The following MAP3K5 variants were observed in gnomAD, a reference collection of about 807,000 sequenced individuals.
MAP3K5 encodes the protein ASK-1.
In MAP3K5, 56 loss-of-function variants were observed where a neutral mutation model predicts 158.7. The ratio of observed to expected loss-of-function variants is 0.35; its 90% CI spans 0.28 to 0.44. The LOEUF (loss-of-function observed/expected upper bound fraction) is 0.44, where lower values mean the gene tolerates loss of function less well. MAP3K5 is among the 20% of genes least tolerant of loss of function. The pLI is 1.00. For missense variants in MAP3K5, 1,294 were observed against 1,674.8 expected, an observed-to-expected ratio of 0.77 and a Z score of 3.97; for synonymous variants, 579 against 601.7, an observed-to-expected ratio of 0.96 and a Z score of 0.55.
rs527238892 is a variant in MAP3K5 at position 136,603,271 on chromosome 6, C to T, written c.2680-1292G>A. 2.6e-5 allele frequency among the ~76,000 whole-genome samples: 4 copies of T among 151,630 alleles called. No individual in the cohort carries two copies. In the East Asian group the frequency reaches 7.8e-4, roughly 29 times the overall value. On this transcript the variant is annotated intron_variant, in intron 19 of 29. Transcript: ENST00000359015. Reference sequence around the variant, plus strand: ...CACTGCAACCTCCATCTCCCCAGTCCAAGTGATTCTCCTGCCTCAGCCTCC... The same window carrying T: ...CACTGCAACCTCCATCTCCCCAGTCTAAGTGATTCTCCTGCCTCAGCCTCC...
At chr6:136,579,318 G>A (rs925600848) in intron 25 of MAP3K5, among the ~76,000 whole-genome samples, 4 of 152,048 alleles carry the variant, frequency 2.6e-5, no homozygotes, top group Non-Finnish European at 5.9e-5. Context: ...CACGTTGGAG[G>A]TTTTGCCTTA....
intron 7 of MAP3K5, among the ~76,000 whole-genome samples, chr6:136,687,240 G>C (rs1399884721): frequency 3.3e-5 from 5 of 152,126 alleles, no homozygotes; most frequent in Non-Finnish European, 7.4e-5. Flanking sequence ...GCTGAAACTG[G>C]ACCCCTTCCT....
chr6:136,688,178 C>A (rs1392979891), intron 7 of MAP3K5, among the ~76,000 whole-genome samples: 1 of 152,096 alleles, frequency 6.6e-6, no homozygotes, highest in East Asian at 1.9e-4. Context: ...AACAGAAAAC[C>A]AAACACCGCA....
chr6:136,786,723 A>G (rs76512883), intron 1 of MAP3K5, among the ~76,000 whole-genome samples: 3,602 of 152,172 alleles, frequency 0.024, 150 homozygotes, highest in African/African-American at 0.082. Flanking sequence ...TTTAACTTGC[A>G]ACCTATTCTT....
At chr6:136,718,646 C>T (rs1380684997) in intron 2 of MAP3K5, among the ~76,000 whole-genome samples, 2 of 152,184 alleles carry the variant, frequency 1.3e-5, no homozygotes, top group African/African-American at 2.4e-5. Flanking sequence ...ATGCCAATAA[C>T]ACTCCTAGAC....
intron 21 of MAP3K5, among the ~76,000 whole-genome samples, chr6:136,594,595 C>T (rs1775539677): frequency 6.6e-6 from 1 of 152,144 alleles, no homozygotes; most frequent in South Asian, 2.1e-4. Flanking sequence ...GGATACAAGC[C>T]CTGCAGTGGA....
intron 1 of MAP3K5, among the ~76,000 whole-genome samples, chr6:136,782,055 GAAAAA>G (rs376414394): frequency 7.5e-6 from 1 of 132,766 alleles, no homozygotes. Context: ...GTCTCTACTG[GAAAAA>G]AAAAAAAAAA....
chr6:136,743,316 G>C (rs1443138556), intron 1 of MAP3K5, among the ~76,000 whole-genome samples: 1 of 152,132 alleles, frequency 6.6e-6, no homozygotes, highest in Non-Finnish European at 1.5e-5. Context: ...CGGGCATGGT[G>C]GCAGGCACCT....
Position 136,598,814 on chromosome 6 carries a change from C to T in MAP3K5, c.2878+2208G>A, listed in dbSNP as rs9389410. 8.0e-3 allele frequency among the ~76,000 whole-genome samples: 1,222 copies of T among 152,152 alleles called. 20 individuals carry two copies. The East Asian group carries it at 0.081, about 10-fold the overall frequency. Reference sequence around the variant, plus strand: ...GTACTCATCTAGAAGGAGAGTAAGACGAGCTAATAGGTCATTGTTTCAATT... The same window carrying T: ...GTACTCATCTAGAAGGAGAGTAAGATGAGCTAATAGGTCATTGTTTCAATT... On this transcript the variant is annotated intron_variant, in intron 21 of 29. Transcript: ENST00000359015.
At chr6:136,739,903 C>T (rs754765302) in intron 1 of MAP3K5, among the ~76,000 whole-genome samples, 5 of 152,202 alleles carry the variant, frequency 3.3e-5, no homozygotes, top group Non-Finnish European at 5.9e-5. Context: ...GCAGTTCCTG[C>T]ACCATTAGCT....
intron 18 of MAP3K5, 96 bp from the exon 19 acceptor site, chr6:136,605,462 C>T (rs1776061452): frequency 2.0e-6 from 2 of 1,016,634 alleles, no homozygotes; most frequent in Non-Finnish European, 2.8e-6. Flanking sequence ...AGAAATGAGA[C>T]AACTGTAAAA....
chr6:136,656,081 C>T (rs1372387921), intron 10 of MAP3K5: 2 of 482,974 alleles, frequency 4.1e-6, no homozygotes, highest in African/African-American at 1.9e-5. Context: ...AAAGGAACCA[C>T]CCAAATTCCA....
At chr6:136,748,375 C>G (rs1783052659) in intron 1 of MAP3K5, among the ~76,000 whole-genome samples, 1 of 152,162 alleles carries the variant, frequency 6.6e-6, no homozygotes, top group Non-Finnish European at 1.5e-5. Context: ...TATCCTACTG[C>G]TCAAGGTCAT....
At chr6:136,661,453 TG>T (rs1467581360) in intron 8 of MAP3K5, among the ~76,000 whole-genome samples, 1 of 152,214 alleles carries the variant, frequency 6.6e-6, no homozygotes, top group African/African-American at 2.4e-5. Context: ...TGGAGTGCAG[TG>T]GCACGATCAC....
chr6:136,559,939 G>A (rs950862391), intron 28 of MAP3K5, among the ~76,000 whole-genome samples: 2 of 152,114 alleles, frequency 1.3e-5, no homozygotes, highest in African/African-American at 4.8e-5. Context: ...ATATTCTGGA[G>A]TTGTTTAAAT....
intron 29 of MAP3K5, among the ~76,000 whole-genome samples, 183 bp from the exon 30 acceptor site, chr6:136,558,001 A>G (rs1402040113): frequency 6.6e-6 from 1 of 151,600 alleles, no homozygotes; most frequent in Non-Finnish European, 1.5e-5. Context: ...TTCCCTTTTC[A>G]CTCCCACAAA....
At chr6:136,756,309 C>T (rs980971618) in intron 1 of MAP3K5, among the ~76,000 whole-genome samples, 5 of 152,062 alleles carry the variant, frequency 3.3e-5, no homozygotes, top group African/African-American at 1.2e-4. Context: ...CAGAGCCAGA[C>T]CTGTCTCAAA....
chr6:136,557,833 A>G lies in MAP3K5; in HGVS notation c.4065-15T>C, dbSNP rs779495325. On this transcript the variant is annotated splice_polypyrimidine_tract_variant and intron_variant, in intron 29 of 29. Coordinates refer to ENST00000359015, the MANE Select transcript of MAP3K5 (RefSeq NM_005923.4). ...GCATCCCTCCCCTGTTTAAAGACAC[A>G]AGAACATGGTGAAACGAACATTTCA... 2 of 1,579,006 alleles carry G rather than the reference A, an allele frequency of 1.3e-6. No individual in the cohort carries two copies. The highest frequency in any genetic ancestry group is 1.1e-5 in the South Asian group (1 of 90,354).
chr6:136,641,412 C>A (rs77626064), intron 12 of MAP3K5, among the ~76,000 whole-genome samples: 2,245 of 152,238 alleles, frequency 0.015, 29 homozygotes, highest in Non-Finnish European at 0.021. Context: ...GTAGTTAGCA[C>A]ATCTAATTTG....
Sources: allele counts gnomAD v4.1 joint callset (sites outside exome capture counted in the v4.1 genomes callset), GRCh38; gene constraint gnomAD v4.1.1; transcripts MANE v1.5; gene names NCBI Gene and HGNC (gene_info 2026-07-23, HGNC 2026-07-21).